Variants in VIPAS39 observed in about 807,000 individuals in gnomAD.
The protein encoded by VIPAS39 is VPS33B interacting protein, apical-basolateral polarity regulator, spe-39 homolog.
Under a neutral mutation model 84.7 loss-of-function variants are expected in VIPAS39, and 63 were observed. The observed-to-expected ratio is 0.74, with a 90% CI of 0.61 to 0.92. The LOEUF is 0.92. Among genes scored for constraint, VIPAS39 ranks in the 40% least tolerant of loss-of-function variants. The pLI, the probability that VIPAS39 is intolerant of heterozygous loss-of-function variation, is 0.00. For synonymous variants in VIPAS39, 192 were observed against 216.5 expected, an observed-to-expected ratio of 0.89 and a Z score of 0.99; for missense variants, 499 against 604.5, an observed-to-expected ratio of 0.83 and a Z score of 1.83.
At chr14:77,447,982 C>T (rs1208234568) in intron 7 of VIPAS39, among the ~76,000 whole-genome samples, 36 of 130,114 alleles carry the variant, frequency 2.8e-4, no homozygotes, top group African/African-American at 7.1e-4. Flanking sequence ...TTTTTTGAGA[C>T]GGAGTCTCAC....
In VIPAS39 at chr14:77,453,397, T is replaced by C; in HGVS notation, c.98A>G (p.Lys33Arg). 1 of 1,614,044 alleles carries C rather than the reference T, an allele frequency of 6.2e-7. No homozygotes were observed. Among genetic ancestry groups the C allele is most frequent in the Non-Finnish European group, 8.5e-7 (1 of 1,179,942 alleles). ...DDEDDELSQL[K>R]ESKRAVNSLR... Reference sequence around the variant, plus strand: ...GCTGTTCACCGCCCGCTTGGACTCCTTTAACTGCAGAGGGACACAAGGCTA... The same window carrying C: ...GCTGTTCACCGCCCGCTTGGACTCCCTTAACTGCAGAGGGACACAAGGCTA... Residue 33 changes from lysine (K) to arginine (R), a missense_variant, in exon 3 of 20, where the codon AAG (lysine) becomes AGG (arginine). Transcript: ENST00000557658.
chr14:77,443,879 A>C (rs1165400161), intron 8 of VIPAS39, among the ~76,000 whole-genome samples: 1 of 151,802 alleles, frequency 6.6e-6, no homozygotes, highest in Non-Finnish European at 1.5e-5. Flanking sequence ...TCTCAAAAAA[A>C]AAAAAAAAAA....
chr14:77,443,194 CAG>C (rs766025091), intron 8 of VIPAS39, 42 bp from the exon 9 acceptor site: 11 of 1,613,320 alleles, frequency 6.8e-6, no homozygotes, highest in Non-Finnish European at 7.6e-6. Flanking sequence ...CTTTCCAACA[CAG>C]AGTCATGCCC....
Position 77,457,323 on chromosome 14 carries a change from GC to G in VIPAS39, c.-1+171del, listed in dbSNP as rs775481760. On this transcript the variant is annotated intron_variant, in intron 1 of 19. Coordinates refer to ENST00000557658, the MANE Select transcript of VIPAS39 (RefSeq NM_001193315.2). ...AACCAATCGCTGGTGCTCACTCGCA[GC>G]CCCAGTCCCAAGCGTACTCCAGCGC... is the stretch of plus-strand genomic sequence containing the variant. The G allele has an allele frequency of 7.2e-6, 11 of 1,535,662 alleles. No individual in the cohort carries two copies. The South Asian group carries it at 1.2e-4, about 17-fold the overall frequency.
chr14:77,442,478 C>T lies in VIPAS39; in HGVS notation c.734+82G>A, dbSNP rs897655606. 35 of 1,180,692 alleles carry T rather than the reference C, an allele frequency of 3.0e-5. 1 individual carries two copies. The highest frequency in any genetic ancestry group is 2.7e-4 in the South Asian group (22 of 81,888). The allele number at this position is 1,180,692 out of a possible 1,614,324, so 73.1% of individuals were successfully genotyped here. A position where few individuals can be genotyped will look rare whatever the true frequency, so the allele number is the denominator to read the frequency against. ...GCACTTCCAGGAAAAGGGCAGTTGG[C>T]GTCTTCTATTCCTTTGTATCCCTCA... is the stretch of plus-strand genomic sequence containing the variant. On this transcript the variant is annotated intron_variant, in intron 10 of 19. Transcript: ENST00000557658.
At chr14:77,445,657 G>A (rs957039727) in intron 7 of VIPAS39, among the ~76,000 whole-genome samples, 4 of 152,042 alleles carry the variant, frequency 2.6e-5, no homozygotes, top group Non-Finnish European at 5.9e-5. Context: ...TATATATTCT[G>A]GCCAAGTACA....
chr14:77,435,836 A>G lies in VIPAS39; in HGVS notation c.912+8T>C. ...TGAAGCAAAAGATATAGAGATGAAG[A>G]GTCTAACCTCAATAATGATCTGACG... On this transcript the variant is annotated splice_region_variant and intron_variant, in intron 13 of 19. Coordinates refer to ENST00000557658, the MANE Select transcript of VIPAS39 (RefSeq NM_001193315.2). 2 of 1,613,842 alleles carry G rather than the reference A, an allele frequency of 1.2e-6. No individual in the cohort carries two copies. Among genetic ancestry groups the G allele is most frequent in the Non-Finnish European group, 1.7e-6 (2 of 1,179,724 alleles).
chr14:77,449,149 C>G, intron 6 of VIPAS39, 144 bp downstream of exon 6: 2 of 897,208 alleles, frequency 2.2e-6, no homozygotes, highest in South Asian at 2.8e-5. Context: ...GGTAAGCCCT[C>G]ATGTTTAGAA....
At chr14:77,434,187 G>T in intron 15 of VIPAS39, 75 bp downstream of exon 15, 2 of 1,453,920 alleles carry the variant, frequency 1.4e-6, no homozygotes, top group South Asian at 1.1e-5. Flanking sequence ...ACACTGTACA[G>T]GGTTACAAAG....
intron 1 of VIPAS39, 82 bp from the exon 2 acceptor site, chr14:77,454,184 T>A: frequency 3.2e-6 from 4 of 1,245,068 alleles, no homozygotes; most frequent in Non-Finnish European, 4.7e-6. Flanking sequence ...CCTGCACCAC[T>A]AACTGATCCC....
Position 77,427,224 on chromosome 14 carries a change from C to T in VIPAS39, c.*392G>A. 3.8e-6 allele frequency: 1 copy of T among 263,912 alleles called. No individual in the cohort carries two copies. The highest frequency in any genetic ancestry group is 5.2e-5 in the South Asian group (1 of 19,378). 16.3% of individuals were successfully genotyped at this position (263,912 alleles called of 1,614,324 possible). A position where few individuals can be genotyped will look rare whatever the true frequency, so the allele number is the denominator to read the frequency against. On this transcript the variant is annotated 3_prime_UTR_variant, in exon 20 of 20. Coordinates refer to ENST00000557658, the MANE Select transcript of VIPAS39 (RefSeq NM_001193315.2). ...TCATTCAGAGCAGAACTGCCAATGT[C>T]CAGCGCCAAGTCCTGGATCATAATT...
Position 77,446,961 on chromosome 14 carries a change from C to A in VIPAS39, c.504+1533G>T, listed in dbSNP as rs911541632. Reference sequence around the variant, plus strand: ...CAAGCAACTGTGACTAAAAACATATCCTGCTATAAGATTATAAGTTACATT... The same window carrying A: ...CAAGCAACTGTGACTAAAAACATATACTGCTATAAGATTATAAGTTACATT... On this transcript the variant is annotated intron_variant, in intron 7 of 19. Transcript: ENST00000557658. Among the ~76,000 whole-genome samples the A allele has an allele frequency of 8.7e-5, 13 of 148,692 alleles. No homozygotes were observed. The Admixed American group carries it at 9.5e-4, about 11-fold the overall frequency.
rs886043868 is a variant in VIPAS39, at chr14:77,433,857, G to A, written c.1164C>T (p.Ala388=). ...GGGCACACACCTTTGTGGTGAATAGGGCATCTACATCATTCCAGGCTCGAA... is the reference window on the plus strand; with the variant it reads ...GGGCACACACCTTTGTGGTGAATAGAGCATCTACATCATTCCAGGCTCGAA... ...AKLRAWNDVD[A]LFTTKNWLGY... The change falls in exon 16 of 20, where the codon GCC becomes GCT. Residue 388 remains alanine, a synonymous_variant. Coordinates refer to ENST00000557658, the MANE Select transcript of VIPAS39 (RefSeq NM_001193315.2). 11 of 1,613,796 alleles carry A rather than the reference G, an allele frequency of 6.8e-6. No individual in the cohort carries two copies. Among genetic ancestry groups the A allele is most frequent in the East Asian group, 2.2e-5 (1 of 44,884 alleles).
chr14:77,443,986 A>G (rs1186393773), intron 8 of VIPAS39, among the ~76,000 whole-genome samples: 2 of 150,578 alleles, frequency 1.3e-5, no homozygotes, highest in African/African-American at 4.9e-5. Context: ...GGCTACAGCG[A>G]GCCATCATCA....
chr14:77,428,523 G>T, intron 18 of VIPAS39, 49 bp from the exon 19 acceptor site: 2 of 1,566,580 alleles, frequency 1.3e-6, no homozygotes, highest in Non-Finnish European at 8.8e-7. Context: ...CTCTGTACAG[G>T]GTTCTTTTTG....
chr14:77,446,467 C>T (rs2078791905), intron 7 of VIPAS39, among the ~76,000 whole-genome samples: 1 of 152,132 alleles, frequency 6.6e-6, no homozygotes, highest in South Asian at 2.1e-4. Flanking sequence ...CCACACCTGG[C>T]ATTATGATCC....
chr14:77,444,127 C>G, intron 8 of VIPAS39, 122 bp downstream of exon 8: 1 of 998,374 alleles, frequency 1.0e-6, no homozygotes. Context: ...AATCCTACAC[C>G]TCCAAGGGGA....
Position 77,449,704 on chromosome 14 carries a change from C to T in VIPAS39, c.382+10G>A. Reference sequence around the variant, plus strand: ...TTCCCACAGCAATTAAAAGAGGGTTCAATGCCTACCATCAGAAAGGGACTG... The same window carrying T: ...TTCCCACAGCAATTAAAAGAGGGTTTAATGCCTACCATCAGAAAGGGACTG... On this transcript the variant is annotated intron_variant, in intron 5 of 19. Transcript: ENST00000557658. 1 of 1,614,124 alleles carries T rather than the reference C, an allele frequency of 6.2e-7. No individual in the cohort carries two copies. The highest frequency in any genetic ancestry group is 2.2e-5 in the East Asian group (1 of 44,876).
chr14:77,439,477 C>G lies in VIPAS39; in HGVS notation c.762+1589G>C, dbSNP rs74582453. On this transcript the variant is annotated intron_variant, in intron 11 of 19. Coordinates refer to ENST00000557658, the MANE Select transcript of VIPAS39 (RefSeq NM_001193315.2). The stretch of plus-strand genomic sequence containing the variant: ...TCTCTCATGCTTTGAATATTAAGTA[C>G]AAGTTCCTTTCAGAAAACATGTTAC... Among the ~76,000 whole-genome samples the G allele has an allele frequency of 6.9e-3, 1,055 of 152,180 alleles. 19 individuals are homozygous for G. Among genetic ancestry groups the G allele is most frequent in the South Asian group, 0.037 (177 of 4,822 alleles).
Sources: allele counts gnomAD v4.1 joint callset (sites outside exome capture counted in the v4.1 genomes callset), GRCh38; gene constraint gnomAD v4.1.1; transcripts MANE v1.5; gene names NCBI Gene and HGNC (gene_info 2026-07-23, HGNC 2026-07-21).